RHOA: variants seen among roughly 807,000 people sequenced by gnomAD.
RHOA encodes ras homolog family member A, also known as transforming protein RhoA.
A neutral mutation model predicts 17.5 loss-of-function variants in RHOA; 3 were observed. The ratio of observed to expected loss-of-function variants is 0.17; its 90% confidence interval spans 0.08 to 0.44. RHOA has a LOEUF of 0.44. Among genes scored for constraint, RHOA ranks in the 20% least tolerant of loss-of-function variants. The pLI is 0.99. For synonymous variants in RHOA, 98 were observed against 88.4 expected (o/e 1.11, Z -0.61); for missense variants, 56 against 242.3 (o/e 0.23, Z 5.10).
intron 1 of RHOA, among the ~76,000 whole-genome samples, chr3:49,391,123 C>T (rs989840803): frequency 2.0e-5 from 3 of 151,040 alleles, no homozygotes; most frequent in Non-Finnish European, 2.9e-5. Flanking sequence ...GAGGATGAGG[C>T]AGGAGAACCG....
rs552742843 is a variant in RHOA, at chr3:49,359,208, A to T, written c.*1001T>A. 1.6e-5 allele frequency: 3 copies of T among 188,772 alleles called. No homozygotes were observed. In the East Asian group the frequency reaches 2.6e-4, roughly 16 times the overall value. 11.7% of individuals were successfully genotyped at this position (188,772 alleles called of 1,614,324 possible). A position where few individuals can be genotyped will look rare whatever the true frequency, so the allele number is the denominator to read the frequency against. On this transcript the variant is annotated 3_prime_UTR_variant, in exon 5 of 5. Coordinates refer to ENST00000418115, the MANE Select transcript of RHOA (RefSeq NM_001664.4). The stretch of plus-strand genomic sequence containing the variant: ...ATTAACTGGTACAGAAAAAAAGTTT[A>T]GTCAGCTGGAGAGAAGAGAGACTGA...
At chr3:49,405,824 A>G (rs1397702527) in intron 1 of RHOA, among the ~76,000 whole-genome samples, 1 of 152,104 alleles carries the variant, frequency 6.6e-6, no homozygotes, top group Non-Finnish European at 1.5e-5. Context: ...AGCTGGGATT[A>G]CAGGCACTCA....
At chr3:49,371,528 G>A (rs1469507470) in intron 2 of RHOA, among the ~76,000 whole-genome samples, 1 of 152,082 alleles carries the variant, frequency 6.6e-6, no homozygotes, top group African/African-American at 2.4e-5. Context: ...TGATCCTCCT[G>A]CCTCAGCCTC....
At chr3:49,361,935 C>A (rs537656657) in intron 4 of RHOA, among the ~76,000 whole-genome samples, 6 of 151,734 alleles carry the variant, frequency 4.0e-5, no homozygotes, top group Non-Finnish European at 7.4e-5. Flanking sequence ...CACCTGTAAT[C>A]CCTGCACTTT....
intron 1 of RHOA, among the ~76,000 whole-genome samples, chr3:49,409,973 G>C (rs1348419022): frequency 1.3e-5 from 2 of 152,116 alleles, no homozygotes; most frequent in African/African-American, 2.4e-5. Flanking sequence ...TCCAAACAAA[G>C]CCATGATTAG....
chr3:49,409,002 G>A (rs2048887221), intron 1 of RHOA, among the ~76,000 whole-genome samples: 1 of 151,170 alleles, frequency 6.6e-6, no homozygotes, highest in African/African-American at 2.4e-5. Context: ...CACCGTGTTA[G>A]CCAGGATGGT....
At chr3:49,375,759 C>T (rs1354974943) in intron 1 of RHOA, among the ~76,000 whole-genome samples, 168 bp from the exon 2 acceptor site, 1 of 152,160 alleles carries the variant, frequency 6.6e-6, no homozygotes, top group Non-Finnish European at 1.5e-5. Flanking sequence ...ACATTAAAAA[C>T]TCGTAACTAA....
chr3:49,407,626 GTTTT>G (rs142442466), intron 1 of RHOA, among the ~76,000 whole-genome samples: 1 of 149,184 alleles, frequency 6.7e-6, no homozygotes, highest in African/African-American at 2.5e-5. Flanking sequence ...AGTGATTCTA[GTTTT>G]TTTTTTAATA....
Position 49,359,456 on chromosome 3 carries a change from TC to T in RHOA, c.*752del, listed in dbSNP as rs1393640703. On this transcript the variant is annotated 3_prime_UTR_variant, in exon 5 of 5. Transcript: ENST00000418115. Reference sequence around the variant, plus strand: ...GGGCCGAAAAGGGGTAATATGGCCATCTTTTATCAGAAAAAGTGACAAAACG... The same window carrying T: ...GGGCCGAAAAGGGGTAATATGGCCATTTTTATCAGAAAAAGTGACAAAACG... The T allele has an allele frequency of 2.1e-5, 4 of 190,780 alleles. No individual in the cohort carries two copies. Among genetic ancestry groups the T allele is most frequent in the African/African-American group, 7.0e-5 (3 of 42,928 alleles). The allele number at this position is 190,780 out of a possible 1,614,324, so 11.8% of individuals were successfully genotyped here. A position where few individuals can be genotyped will look rare whatever the true frequency, so the allele number is the denominator to read the frequency against.
chr3:49,386,411 C>T (rs998914028), intron 1 of RHOA, among the ~76,000 whole-genome samples: 1 of 152,178 alleles, frequency 6.6e-6, no homozygotes, highest in African/African-American at 2.4e-5. Flanking sequence ...AAACAATCCT[C>T]GCAACAGTCC....
At chr3:49,399,586 T>TG (rs2048687222) in intron 1 of RHOA, among the ~76,000 whole-genome samples, 1 of 151,410 alleles carries the variant, frequency 6.6e-6, no homozygotes, top group African/African-American at 2.4e-5. Context: ...GCTTTTTTTT[T>TG]TTTTTCCCCC....
intron 1 of RHOA, among the ~76,000 whole-genome samples, chr3:49,384,061 T>C (rs1037580289): frequency 6.6e-6 from 1 of 151,916 alleles, no homozygotes; most frequent in Non-Finnish European, 1.5e-5. Flanking sequence ...AAGAAAAATA[T>C]CTGATAAAGA....
chr3:49,367,811 C>G lies in RHOA; in HGVS notation c.277+617G>C, dbSNP rs143833572. ...TGCTAGGATTACAGGTGTCAGCCGC[C>G]GCACCAGCCTTAGTTTACTCATCTT... On this transcript the variant is annotated intron_variant, in intron 3 of 4. Coordinates refer to ENST00000418115, the MANE Select transcript of RHOA (RefSeq NM_001664.4). 5.4e-3 allele frequency among the ~76,000 whole-genome samples: 813 copies of G among 151,952 alleles called. 3 individuals carry two copies. Among genetic ancestry groups the G allele is most frequent in the Non-Finnish European group, 8.2e-3 (555 of 67,980 alleles).
In RHOA at chr3:49,368,565, A is replaced by C. The variant is rs766258588; in HGVS notation, c.157-17T>G. On this transcript the variant is annotated splice_polypyrimidine_tract_variant and intron_variant, in intron 2 of 4. Transcript: ENST00000418115. ...CAACTCTACCTGTAATGGGAAAAAC[A>C]ACCACAAGAGTGCAAGGTTAATCCC... The C allele has an allele frequency of 8.7e-6, 14 of 1,613,902 alleles. No homozygotes were observed. Among genetic ancestry groups the C allele is most frequent in the Middle Eastern group, 1.6e-4 (1 of 6,084 alleles).
Position 49,360,474 on chromosome 3 carries a change from T to C in RHOA, c.409-92A>G, listed in dbSNP as rs1406191497. 5.7e-6 allele frequency: 8 copies of C among 1,409,004 alleles called. No individual in the cohort carries two copies. The African/African-American group carries it at 1.0e-4, about 18-fold the overall frequency. The allele number at this position is 1,409,004 out of a possible 1,614,324, so 87.3% of individuals were successfully genotyped here. A position where few individuals can be genotyped will look rare whatever the true frequency, so the allele number is the denominator to read the frequency against. On this transcript the variant is annotated intron_variant, in intron 4 of 4. Coordinates refer to ENST00000418115, the MANE Select transcript of RHOA (RefSeq NM_001664.4). ...TTCAAATTCATCTAAAAGATTTTTT[T>C]TTCTTTTTTTGAGACAGTTTTGCTC...
chr3:49,364,075 C>T (rs143794953), intron 3 of RHOA, among the ~76,000 whole-genome samples: 91 of 152,034 alleles, frequency 6.0e-4, no homozygotes, highest in African/African-American at 2.1e-3. Context: ...ATAGGCTGGG[C>T]GCAGTGGCTC....
intron 1 of RHOA, among the ~76,000 whole-genome samples, chr3:49,381,860 C>A (rs998282276): frequency 1.4e-5 from 2 of 139,324 alleles, no homozygotes; most frequent in Non-Finnish European, 1.6e-5. Context: ...AGCGAAAATT[C>A]GTCTCAAAAA....
At chr3:49,391,596 T>C (rs944998669) in intron 1 of RHOA, among the ~76,000 whole-genome samples, 1 of 151,858 alleles carries the variant, frequency 6.6e-6, no homozygotes, top group African/African-American at 2.4e-5. Flanking sequence ...CAGGCTGGAG[T>C]GCAATGGCGC....
chr3:49,398,273 C>T (rs143867864), intron 1 of RHOA, among the ~76,000 whole-genome samples: 6,510 of 152,008 alleles, frequency 0.043, 212 homozygotes, highest in Non-Finnish European at 0.058. Context: ...ATTGCTTGAA[C>T]CCAGAAGGCG....
Sources: gnomAD v4.1 joint callset for allele counts (sites outside exome capture counted in the v4.1 genomes callset) on GRCh38, gnomAD v4.1.1 for gene constraint, MANE v1.5 for transcripts, NCBI Gene and HGNC (gene_info 2026-07-23, HGNC 2026-07-21) for gene names.